The following HERC1 variants were observed in gnomAD, a reference collection of about 807,000 sequenced individuals.
The protein encoded by HERC1 is HECT and RLD domain containing E3 ubiquitin protein ligase family member 1.
A neutral mutation model predicts 554.3 loss-of-function variants in HERC1; 160 were observed. That is an observed-to-expected ratio of 0.29 (90% CI 0.25 to 0.33). The LOEUF (loss-of-function observed/expected upper bound fraction) is 0.33, where lower values mean the gene tolerates loss of function less well. HERC1 is among the 10% of genes least tolerant of loss of function. The pLI is 1.00. For missense variants in HERC1, 4,919 were observed against 5,918.5 expected, an observed-to-expected ratio of 0.83 and a Z score of 5.54; for synonymous variants, 2,175 against 2,131.7, an observed-to-expected ratio of 1.02 and a Z score of -0.56.
In HERC1 at chr15:63,661,779, G is replaced by A. The variant is rs80201845; in HGVS notation, c.9144C>T (p.Thr3048=). The change falls in exon 45 of 78, where the codon ACC becomes ACT. Residue 3048 remains threonine (T), a synonymous_variant. Coordinates refer to ENST00000443617, the MANE Select transcript of HERC1 (RefSeq NM_003922.4). ...TTTCAGAACTTGTTGACTTAGATTTGGTCTTCATGGCTAAGTACTTCTCCC... is the reference window on the plus strand; with the variant it reads ...TTTCAGAACTTGTTGACTTAGATTTAGTCTTCATGGCTAAGTACTTCTCCC... ...TCREKYLAMK[T]KSKSTSSERY... The A allele has an allele frequency of 2.1e-4, 346 of 1,613,900 alleles. 1 individual carries two copies. The African/African-American group carries it at 4.3e-3, about 20-fold the overall frequency.
intron 12 of HERC1, among the ~76,000 whole-genome samples, chr15:63,739,595 T>C (rs1486534802): frequency 6.6e-6 from 1 of 151,822 alleles, no homozygotes; most frequent in Non-Finnish European, 1.5e-5. Context: ...TCCCAGCACT[T>C]TGGGAGGTCG....
Position 63,680,734 on chromosome 15 carries a change from C to T in HERC1, c.6268G>A (p.Val2090Ile), listed in dbSNP as rs1447857186. The change falls in exon 35 of 78, where the codon GTT (valine) becomes ATT (isoleucine). Residue 2090 changes from valine to isoleucine, a missense_variant. Around this residue, in one of 11 missense-constraint regions of HERC1, gnomAD observed 85 missense variants for 163.2 expected, o/e 0.52. Coordinates refer to ENST00000443617, the MANE Select transcript of HERC1 (RefSeq NM_003922.4). This position sits in a 1 kb window ranked among gnomAD's most constrained non-coding sequence, Gnocchi z 5.8. ...TGTACTGGCCAGCGAGAAACTCCAACACACGTGCCTTCATTACCTCTGTTT... is the reference window on the plus strand; with the variant it reads ...TGTACTGGCCAGCGAGAAACTCCAATACACGTGCCTTCATTACCTCTGTTT... ...KENRGNEGTC[V>I]GVSRWPVHDF... The T allele has an allele frequency of 6.2e-7, 1 of 1,612,808 alleles. No individual in the cohort carries two copies.
intron 40 of HERC1, 35 bp from the exon 41 acceptor site, chr15:63,666,507 A>G (rs1474656009): frequency 7.7e-7 from 1 of 1,299,184 alleles, no homozygotes; most frequent in Non-Finnish European, 1.1e-6. Context: ...GAACCTAAAT[A>G]TCACTAGATA....
At chr15:63,810,511 C>T (rs1219062449) in intron 1 of HERC1, among the ~76,000 whole-genome samples, 4 of 151,998 alleles carry the variant, frequency 2.6e-5, no homozygotes, top group Non-Finnish European at 4.4e-5. Flanking sequence ...TGACAGTTAA[C>T]TCTGGGAAAA....
At chr15:63,732,817 G>C (rs1433937768) in intron 14 of HERC1, 107 bp downstream of exon 14, 7 of 715,606 alleles carry the variant, frequency 9.8e-6, no homozygotes, top group Non-Finnish European at 1.7e-5. Context: ...GGGGGAGAGG[G>C]GTCTAGAGTT....
At chr15:63,648,249 G>C in intron 54 of HERC1, 50 bp from the exon 55 acceptor site, 2 of 1,528,282 alleles carry the variant, frequency 1.3e-6, no homozygotes, top group African/African-American at 1.4e-5. Context: ...ATTTGTCATT[G>C]TCTGACTTAA....
At chr15:63,730,388 G>T (rs1228790001) in intron 14 of HERC1, among the ~76,000 whole-genome samples, 1 of 152,036 alleles carries the variant, frequency 6.6e-6, no homozygotes, top group East Asian at 1.9e-4. Flanking sequence ...GAGCCCAGGA[G>T]TTCGAAGCTG....
chr15:63,720,102 C>CTTTTTTTTTTTTTTTTTTTTTTTTT (rs1214451219), intron 19 of HERC1, among the ~76,000 whole-genome samples: 5 of 20,956 alleles, frequency 2.4e-4, no homozygotes, highest in Non-Finnish European at 5.5e-4. Context: ...CTTTTTCTTC[C>CTTTTTTTTTTTTTTTTTTTTTTTTT]CTTTTTTTTT....
intron 38 of HERC1, among the ~76,000 whole-genome samples, 151 bp downstream of exon 38, chr15:63,674,189 CTG>C (rs2071080427): frequency 1.3e-5 from 2 of 150,648 alleles, no homozygotes; most frequent in African/African-American, 4.9e-5. Context: ...TAAAAAAGAA[CTG>C]TTTTCAAGAA....
At chr15:63,750,271 TA>T (rs1262067449) in intron 8 of HERC1, among the ~76,000 whole-genome samples, 75 of 152,326 alleles carry the variant, frequency 4.9e-4, no homozygotes, top group Middle Eastern at 6.8e-3. Flanking sequence ...TTGCAATAAT[TA>T]TCACTTACAA....
chr15:63,726,286 T>C (rs1379836599), intron 17 of HERC1, among the ~76,000 whole-genome samples: 1 of 152,216 alleles, frequency 6.6e-6, no homozygotes, highest in Non-Finnish European at 1.5e-5. Flanking sequence ...CGGGCCCAGA[T>C]CCATGCTTTT....
rs955375743 is a variant in HERC1 at position 63,727,617 on chromosome 15, A to G, written c.3346+30T>C. The stretch of plus-strand genomic sequence containing the variant: ...AAGAGGAACAACTTTTCTCAAAGGC[A>G]TTATTTGCTCTTTTATTGTCTTTAC... On this transcript the variant is annotated intron_variant, in intron 17 of 77. Transcript: ENST00000443617. This position sits in a 1 kb window ranked among gnomAD's most constrained non-coding sequence, Gnocchi z 4.3. 2.3e-5 allele frequency: 36 copies of G among 1,538,576 alleles called. No individual in the cohort carries two copies. The highest frequency in any genetic ancestry group is 2.9e-5 in the Non-Finnish European group (33 of 1,126,824).
chr15:63,791,963 T>C (rs775683199), intron 1 of HERC1, among the ~76,000 whole-genome samples: 16 of 152,212 alleles, frequency 1.1e-4, no homozygotes, highest in East Asian at 3.8e-4. Flanking sequence ...GTGTAATTCT[T>C]GTTATCAGCA....
chr15:63,795,235 T>C (rs1391385861), intron 1 of HERC1, among the ~76,000 whole-genome samples: 6 of 152,142 alleles, frequency 3.9e-5, no homozygotes, highest in Non-Finnish European at 1.5e-5. Context: ...GGGTCAATTG[T>C]CTTAGTTACT....
At position 63,664,230 on chromosome 15, in the gene HERC1, CT is replaced by C. The variant is rs1566987329; in HGVS notation, c.8680+239del. Among the ~76,000 whole-genome samples the C allele has an allele frequency of 9.2e-5, 14 of 152,274 alleles. No individual in the cohort carries two copies. The East Asian group carries it at 2.7e-3, about 29-fold the overall frequency. On this transcript the variant is annotated intron_variant, in intron 43 of 77. Coordinates refer to ENST00000443617, the MANE Select transcript of HERC1 (RefSeq NM_003922.4). ...GAGCATTTATATAATTTCTCAAAATCTACAAGTGGCCAGTATAGACTTCTGC... is the reference window on the plus strand; with the variant it reads ...GAGCATTTATATAATTTCTCAAAATCACAAGTGGCCAGTATAGACTTCTGC...
intron 70 of HERC1, among the ~76,000 whole-genome samples, chr15:63,627,660 T>A (rs1314177611): frequency 1.4e-5 from 2 of 139,302 alleles, no homozygotes; most frequent in African/African-American, 2.7e-5. Flanking sequence ...GGCAACAAAG[T>A]GAGACTCTGT....
chr15:63,830,790 T>A lies in HERC1; in HGVS notation c.-27+3037A>T, dbSNP rs923930317. On this transcript the variant is annotated intron_variant, in intron 1 of 77. Coordinates refer to ENST00000443617, the MANE Select transcript of HERC1 (RefSeq NM_003922.4). ...ATCTGATACAACTGTCATATCTTCT[T>A]GCTCAAGGATCTCATCTGAAATTTA... Among the ~76,000 whole-genome samples, 4 of 152,220 alleles carry A rather than the reference T, an allele frequency of 2.6e-5. No individual in the cohort carries two copies. The South Asian group carries it at 8.3e-4, about 32-fold the overall frequency.
Position 63,718,700 on chromosome 15 carries a change from T to C in HERC1, c.3858-6A>G. ...AGTGTTTACCAGGTTGATATCTAAA[T>C]GAAGAACCAAAATAGAAAAGTTACC... On this transcript the variant is annotated splice_polypyrimidine_tract_variant and splice_region_variant and intron_variant, in intron 20 of 77. Coordinates refer to ENST00000443617, the MANE Select transcript of HERC1 (RefSeq NM_003922.4). This position sits in a 1 kb window ranked among gnomAD's most constrained non-coding sequence, Gnocchi z 4.2. The C allele has an allele frequency of 2.5e-6, 4 of 1,601,540 alleles. No individual in the cohort carries two copies. The highest frequency in any genetic ancestry group is 3.4e-6 in the Non-Finnish European group (4 of 1,170,760).
chr15:63,817,344 T>C (rs1027343734), intron 1 of HERC1, among the ~76,000 whole-genome samples: 1 of 152,180 alleles, frequency 6.6e-6, no homozygotes, highest in East Asian at 1.9e-4. Flanking sequence ...TAAAAAGAGA[T>C]AGACACTCTT....
Sources: allele counts gnomAD v4.1 joint callset (sites outside exome capture counted in the v4.1 genomes callset), GRCh38; gene constraint gnomAD v4.1.1; regional missense constraint gnomAD v4.1.1; non-coding constraint Gnocchi (gnomAD v3.1); transcripts MANE v1.5; gene names NCBI Gene and HGNC (gene_info 2026-07-23, HGNC 2026-07-21).